PCDHA1: variants seen among roughly 807,000 people sequenced by gnomAD.
PCDHA1 encodes the protein protocadherin alpha 1.
In PCDHA1, 42 loss-of-function variants were observed where a neutral mutation model predicts 61.3. That is an observed-to-expected ratio of 0.69 (90% confidence interval 0.54 to 0.89). The LOEUF (loss-of-function observed/expected upper bound fraction) is 0.89. Among genes scored for constraint, PCDHA1 ranks in the 40% least tolerant of loss-of-function variants. The probability of loss-of-function intolerance (pLI) is 0.00; values close to 1 mark genes in which losing one functional copy is unlikely to be tolerated. For missense variants in PCDHA1, 1,256 were observed against 1,235.3 expected, an observed-to-expected ratio of 1.02 and a Z score of -0.25; for synonymous variants, 610 against 553.8, an observed-to-expected ratio of 1.10 and a Z score of -1.43.
At chr5:140,871,306 AAGCCCAC>A in intron 1 of PCDHA1, 1 of 1,613,964 alleles carries the variant, frequency 6.2e-7, no homozygotes, top group East Asian at 2.2e-5. Flanking sequence ...CGCGCCGGGG[AAGCCCAC>A]GCTGGTGTGC....
intron 1 of PCDHA1, chr5:140,927,266 C>T (rs1554204259): frequency 6.2e-7 from 1 of 1,614,146 alleles, no homozygotes. Flanking sequence ...CCTCTCTTTC[C>T]TGCCGGCGAC....
intron 1 of PCDHA1, chr5:140,796,471 G>C (rs147855137): frequency 4.3e-6 from 7 of 1,612,044 alleles, no homozygotes; most frequent in Non-Finnish European, 5.9e-6. Context: ...GGGCGAGCGC[G>C]CGTTGTCGAG....
rs2150424631 is a variant in PCDHA1 at position 140,848,919 on chromosome 5, A to G, written c.2394+60235A>G. ...CCCAGCGACACAAAAGAATCTGTTC[A>G]TCGCGGAATCCAGGCCGCTTGACTC... is the stretch of plus-strand genomic sequence containing the variant. On this transcript the variant is annotated intron_variant, in intron 1 of 3. Coordinates refer to ENST00000504120, the MANE Select transcript of PCDHA1 (RefSeq NM_018900.4). 5 of 1,608,020 alleles carry G rather than the reference A, an allele frequency of 3.1e-6. No homozygotes were observed. The South Asian group carries it at 5.5e-5, about 18-fold the overall frequency.
intron 1 of PCDHA1, among the ~76,000 whole-genome samples, chr5:140,838,389 G>A (rs1775711705): frequency 6.6e-6 from 1 of 150,780 alleles, no homozygotes; most frequent in Non-Finnish European, 1.5e-5. Flanking sequence ...CTCCCAATGT[G>A]CTGGGATTAC....
At chr5:140,790,290 CATA>C (rs781950625) in intron 1 of PCDHA1, among the ~76,000 whole-genome samples, 12 of 152,164 alleles carry the variant, frequency 7.9e-5, no homozygotes, top group Non-Finnish European at 1.5e-4. Flanking sequence ...CAGTCAAGGG[CATA>C]ATGTTAAATT....
chr5:140,899,230 G>A (rs1487839667), intron 1 of PCDHA1, among the ~76,000 whole-genome samples: 4 of 152,058 alleles, frequency 2.6e-5, no homozygotes, highest in Admixed American at 6.5e-5. Flanking sequence ...ACACTATGTT[G>A]AATAGGAGTG....
intron 1 of PCDHA1, among the ~76,000 whole-genome samples, chr5:140,840,501 C>T (rs956640130): frequency 7.9e-5 from 12 of 151,956 alleles, no homozygotes; most frequent in African/African-American, 2.9e-4. Flanking sequence ...GGTAAATACT[C>T]ACTTTTTGGA....
chr5:140,788,058 G>T lies in PCDHA1; in HGVS notation c.1768G>T (p.Val590Leu). Reference sequence around the variant, plus strand: ...GCCGCGATTGGTGGGTGCGGGTCATGTGGTGGCGAAGGTGCGCGCAGTGGA... The same window carrying T: ...GCCGCGATTGGTGGGTGCGGGTCATTTGGTGGCGAAGGTGCGCGCAGTGGA... ...LVPRLVGAGHVVAKVRAVDAD... is the reference protein window; with the variant it reads ...LVPRLVGAGHLVAKVRAVDAD... Residue 590 changes from valine (V) to leucine (L), a missense_variant, in exon 1 of 4, where the codon GTG becomes TTG. Physicochemically the swap from Val to Leu is conservative, Grantham distance 32. Coordinates refer to ENST00000504120, the MANE Select transcript of PCDHA1 (RefSeq NM_018900.4). 1 of 1,614,022 alleles carries T rather than the reference G, an allele frequency of 6.2e-7. No individual in the cohort carries two copies. The highest frequency in any genetic ancestry group is 8.5e-7 in the Non-Finnish European group (1 of 1,179,912).
intron 1 of PCDHA1, chr5:140,808,660 C>T: frequency 2.5e-6 from 4 of 1,613,110 alleles, no homozygotes; most frequent in Non-Finnish European, 3.4e-6. Context: ...CGCTGGTGTC[C>T]TACTCGCTGG....
rs114640080 is a variant in PCDHA1, at chr5:140,841,887, A to C, written c.2394+53203A>C. The C allele has an allele frequency of 8.3e-4, 1,346 of 1,613,824 alleles. 14 individuals are homozygous for C. In the African/African-American group the frequency reaches 0.016, roughly 20 times the overall value. ...GATGTGAATTCAAAGAACGATGAGA[A>C]TAAACTGGTTGAGCTCGTATTAAGA... On this transcript the variant is annotated intron_variant, in intron 1 of 3. Transcript: ENST00000504120.
chr5:140,871,543 T>A (rs2053164172), intron 1 of PCDHA1: 2 of 1,503,536 alleles, frequency 1.3e-6, no homozygotes, highest in Non-Finnish European at 1.8e-6. Flanking sequence ...GTGAAATTAT[T>A]TAAAATCCAG....
intron 1 of PCDHA1, chr5:140,822,964 G>C: frequency 6.2e-7 from 1 of 1,614,232 alleles, no homozygotes; most frequent in Admixed American, 1.7e-5. Context: ...CTTCAAGCTG[G>C]TGTCCACCTT....
chr5:140,922,172 C>T (rs1466116071), intron 1 of PCDHA1, among the ~76,000 whole-genome samples: 2 of 134,528 alleles, frequency 1.5e-5, no homozygotes, highest in Non-Finnish European at 3.3e-5. Context: ...AAAAGTACAG[C>T]AGACAAAAAA....
intron 3 of PCDHA1, among the ~76,000 whole-genome samples, chr5:140,995,316 A>G (rs2097676169): frequency 1.3e-5 from 2 of 152,222 alleles, no homozygotes; most frequent in South Asian, 4.1e-4. Context: ...TTCTAAGTGA[A>G]CTAACAGGTG....
chr5:140,852,573 G>A, intron 1 of PCDHA1: 2 of 794,360 alleles, frequency 2.5e-6, no homozygotes, highest in Non-Finnish European at 3.1e-6. Flanking sequence ...ACTGTGCCAA[G>A]GCTTTTTTAT....
intron 1 of PCDHA1, chr5:140,969,516 A>G: frequency 1.4e-6 from 2 of 1,410,726 alleles, no homozygotes; most frequent in Non-Finnish European, 1.9e-6. Flanking sequence ...GCACTAAAGA[A>G]TTGTTTTATT....
chr5:140,903,349 A>T (rs1191077377), intron 1 of PCDHA1, among the ~76,000 whole-genome samples: 1 of 152,240 alleles, frequency 6.6e-6, no homozygotes, highest in Non-Finnish European at 1.5e-5. Flanking sequence ...ATTTTAAAAA[A>T]CAAGTTTTTC....
chr5:140,913,398 AT>A (rs1172885484), intron 1 of PCDHA1, among the ~76,000 whole-genome samples: 5 of 152,132 alleles, frequency 3.3e-5, no homozygotes, highest in Non-Finnish European at 7.4e-5. Flanking sequence ...GCCACTAATG[AT>A]CCTTTGAATT....
rs181578390 is a variant in PCDHA1, at chr5:140,923,666, G to A, written c.2395-55283G>A. Among the ~76,000 whole-genome samples, 434 of 152,230 alleles carry A rather than the reference G, an allele frequency of 2.9e-3. 2 individuals are homozygous for A. Among genetic ancestry groups the A allele is most frequent in the Middle Eastern group, 0.014 (4 of 294 alleles). On this transcript the variant is annotated intron_variant, in intron 1 of 3. Coordinates refer to ENST00000504120, the MANE Select transcript of PCDHA1 (RefSeq NM_018900.4). ...TAGCCTCCCTTATCTTTGGGATATC[G>A]TTCTCTCTTAAATGTTGCTTTCTCA...
Sources: allele counts gnomAD v4.1 joint callset (sites outside exome capture counted in the v4.1 genomes callset), GRCh38; gene constraint gnomAD v4.1.1; transcripts MANE v1.5; gene names NCBI Gene and HGNC (gene_info 2026-07-23, HGNC 2026-07-21).